The following BRINP3 variants were observed in gnomAD, a reference collection of about 807,000 sequenced individuals.
BRINP3 encodes the protein BMP/retinoic acid-inducible neural-specific protein 3.
In BRINP3, 19 loss-of-function variants were observed where a neutral mutation model predicts 71.0. The observed-to-expected ratio is 0.27, with a 90% confidence interval of 0.19 to 0.39. The LOEUF (loss-of-function observed/expected upper bound fraction) is 0.39, where lower values mean the gene tolerates loss of function less well. Among genes scored for constraint, BRINP3 ranks in the 10% least tolerant of loss-of-function variants. BRINP3 has a pLI of 1.00. For synonymous variants in BRINP3, 380 were observed against 337.7 expected (o/e 1.13, Z -1.37); for missense variants, 959 against 940.8 (o/e 1.02, Z -0.25).
At chr1:190,188,940 T>C (rs959120799) in intron 6 of BRINP3, among the ~76,000 whole-genome samples, 6 of 152,064 alleles carry the variant, frequency 3.9e-5, no homozygotes, top group African/African-American at 1.4e-4. Context: ...TTTGTATTTT[T>C]AGTGGAGATG....
chr1:190,202,202 A>G (rs1043431802), intron 6 of BRINP3, among the ~76,000 whole-genome samples: 1 of 152,140 alleles, frequency 6.6e-6, no homozygotes, highest in African/African-American at 2.4e-5. Context: ...GTGAGACATG[A>G]AGTCAAAGGA....
intron 2 of BRINP3, among the ~76,000 whole-genome samples, chr1:190,346,568 C>G: frequency 6.6e-6 from 1 of 152,106 alleles, no homozygotes; most frequent in Admixed American, 6.6e-5. Flanking sequence ...CCAATATCTA[C>G]CTAATTGTGG....
rs549515612 is a variant in BRINP3, at chr1:190,358,362, G to A, written c.237-76612C>T. Among the ~76,000 whole-genome samples the A allele has an allele frequency of 2.6e-5, 4 of 152,224 alleles. No individual in the cohort carries two copies. The East Asian group carries it at 5.8e-4, about 22-fold the overall frequency. On this transcript the variant is annotated intron_variant, in intron 2 of 7. Transcript: ENST00000367462. ...AACAAGTGGGCAAAGGATATGAACA[G>A]ACAATTCTCAAAAGAAGACATTTAT...
intron 2 of BRINP3, among the ~76,000 whole-genome samples, chr1:190,368,037 G>A (rs554749649): frequency 3.2e-4 from 48 of 151,990 alleles, no homozygotes; most frequent in Non-Finnish European, 5.6e-4. Flanking sequence ...TACATTTTGG[G>A]GTATCTTCAG....
intron 6 of BRINP3, among the ~76,000 whole-genome samples, chr1:190,183,980 G>C (rs1044688084): frequency 7.9e-5 from 12 of 152,062 alleles, no homozygotes; most frequent in Admixed American, 7.9e-4. Flanking sequence ...CCTAGAGAGA[G>C]CAGACTTTTC....
intron 6 of BRINP3, among the ~76,000 whole-genome samples, chr1:190,198,504 T>C (rs1052420534): frequency 6.6e-6 from 1 of 152,168 alleles, no homozygotes; most frequent in Non-Finnish European, 1.5e-5. Flanking sequence ...GGAATGATTT[T>C]AACAGCACCC....
chr1:190,356,566 T>C (rs1013906913), intron 2 of BRINP3, among the ~76,000 whole-genome samples: 1 of 151,922 alleles, frequency 6.6e-6, no homozygotes, highest in African/African-American at 2.4e-5. Flanking sequence ...GCACTAACTT[T>C]CCCTCTCTTA....
At chr1:190,146,828 A>C (rs796694355) in intron 7 of BRINP3, among the ~76,000 whole-genome samples, 1 of 152,038 alleles carries the variant, frequency 6.6e-6, no homozygotes, top group East Asian at 1.9e-4. Context: ...ATTTCAATTA[A>C]TATTGTATTA....
intron 6 of BRINP3, among the ~76,000 whole-genome samples, chr1:190,223,575 T>C (rs891745268): frequency 6.6e-6 from 1 of 151,782 alleles, no homozygotes; most frequent in African/African-American, 2.4e-5. Context: ...AGAAAAATAA[T>C]TTTTTCTTAT....
intron 2 of BRINP3, among the ~76,000 whole-genome samples, chr1:190,399,088 A>G (rs1263112082): frequency 6.6e-6 from 1 of 152,014 alleles, no homozygotes; most frequent in African/African-American, 2.4e-5. Context: ...TCATTGATGT[A>G]TTTTTGTGCT....
At chr1:190,174,793 A>G (rs1243277561) in intron 6 of BRINP3, among the ~76,000 whole-genome samples, 1 of 152,064 alleles carries the variant, frequency 6.6e-6, no homozygotes, top group Non-Finnish European at 1.5e-5. Context: ...TAACAGCTGT[A>G]GATCCTCCCA....
intron 2 of BRINP3, among the ~76,000 whole-genome samples, chr1:190,351,397 T>C (rs1668376614): frequency 6.6e-6 from 1 of 152,106 alleles, no homozygotes; most frequent in African/African-American, 2.4e-5. Context: ...CAATAGTTAG[T>C]TCCACTAATG....
At chr1:190,292,152 G>A (rs1027217590) in intron 2 of BRINP3, among the ~76,000 whole-genome samples, 1 of 152,106 alleles carries the variant, frequency 6.6e-6, no homozygotes, top group Non-Finnish European at 1.5e-5. Flanking sequence ...GGGATATGGA[G>A]CCATGGGAGG....
intron 1 of BRINP3, among the ~76,000 whole-genome samples, chr1:190,477,055 G>T (rs1677547190): frequency 6.6e-6 from 1 of 152,116 alleles, no homozygotes; most frequent in African/African-American, 2.4e-5. Flanking sequence ...TCCAGACCTT[G>T]CAATTGTCAG....
chr1:190,307,274 T>TTG (rs1665182594), intron 2 of BRINP3, among the ~76,000 whole-genome samples: 2 of 127,950 alleles, frequency 1.6e-5, no homozygotes, highest in African/African-American at 2.9e-5. Context: ...TTTTTTTTTT[T>TTG]TTTTTTTTTT....
At chr1:190,455,530 A>G (rs552133627) in intron 1 of BRINP3, among the ~76,000 whole-genome samples, 41 of 152,242 alleles carry the variant, frequency 2.7e-4, no homozygotes, top group Non-Finnish European at 5.4e-4. Context: ...AGACAGAGAG[A>G]TGATAGAAAG....
At chr1:190,199,580 C>T (rs1436728687) in intron 6 of BRINP3, among the ~76,000 whole-genome samples, 2 of 151,854 alleles carry the variant, frequency 1.3e-5, no homozygotes, top group African/African-American at 4.8e-5. Flanking sequence ...GGAAACAAAA[C>T]AAAACCAAAA....
intron 2 of BRINP3, among the ~76,000 whole-genome samples, chr1:190,352,248 A>C (rs1668436093): frequency 6.6e-6 from 1 of 152,064 alleles, no homozygotes; most frequent in African/African-American, 2.4e-5. Flanking sequence ...GTTTTAGACC[A>C]AAAATATAGT....
chr1:190,310,266 A>G (rs948615840), intron 2 of BRINP3, among the ~76,000 whole-genome samples: 3 of 151,678 alleles, frequency 2.0e-5, no homozygotes, highest in African/African-American at 7.3e-5. Flanking sequence ...CACTTTCTTG[A>G]CTTTCAGTGT....
Sources: gnomAD v4.1 joint callset for allele counts (sites outside exome capture counted in the v4.1 genomes callset) on GRCh38, gnomAD v4.1.1 for gene constraint, MANE v1.5 for transcripts, NCBI Gene and HGNC (gene_info 2026-07-23, HGNC 2026-07-21) for gene names.